RSPH6A: variants seen among roughly 807,000 people sequenced by gnomAD.
The protein encoded by RSPH6A is radial spoke head 6 homolog A.
In RSPH6A, 49 loss-of-function variants were observed where a neutral mutation model predicts 66.1. That is an observed-to-expected ratio of 0.74 (90% CI 0.59 to 0.94). RSPH6A has a LOEUF of 0.94. Ranked by LOEUF, RSPH6A falls within the 40% of genes least tolerant of loss-of-function variation. The probability of loss-of-function intolerance (pLI) is 0.00; values close to 1 mark genes in which losing one functional copy is unlikely to be tolerated. For synonymous variants in RSPH6A, 419 were observed against 402.4 expected, an observed-to-expected ratio of 1.04 and a Z score of -0.49; for missense variants, 977 against 948.3, an observed-to-expected ratio of 1.03 and a Z score of -0.40.
chr19:45,801,631 C>G (rs1030162147), intron 4 of RSPH6A, among the ~76,000 whole-genome samples: 4 of 152,150 alleles, frequency 2.6e-5, no homozygotes, highest in African/African-American at 9.7e-5. Context: ...CGTGGTGGCA[C>G]ACGCCTGCAA....
At chr19:45,808,732 G>GC in intron 2 of RSPH6A, among the ~76,000 whole-genome samples, 1 of 128,572 alleles carries the variant, frequency 7.8e-6, no homozygotes, top group Non-Finnish European at 1.6e-5. Flanking sequence ...CTCAATCTCA[G>GC]CCCACTGCAA....
chr19:45,813,946 A>G (rs925780922), intron 1 of RSPH6A, among the ~76,000 whole-genome samples: 16 of 152,060 alleles, frequency 1.1e-4, no homozygotes, highest in Non-Finnish European at 4.4e-5. Context: ...GGATCACTTG[A>G]GGTCGAGTTT....
In RSPH6A at chr19:45,807,644, G is replaced by A. The variant is rs769929148; in HGVS notation, c.889-2628C>T. 3.3e-5 allele frequency among the ~76,000 whole-genome samples: 5 copies of A among 152,056 alleles called. No homozygotes were observed. The East Asian group carries it at 7.7e-4, about 23-fold the overall frequency. On this transcript the variant is annotated intron_variant, in intron 2 of 5. Coordinates refer to ENST00000221538, the MANE Select transcript of RSPH6A (RefSeq NM_030785.4). ...TTCTGCCTCAGCCTCCTGAGTAGTCGGGACTACAGGTGCACACCACCACGC... is the reference window on the plus strand; with the variant it reads ...TTCTGCCTCAGCCTCCTGAGTAGTCAGGACTACAGGTGCACACCACCACGC...
chr19:45,813,418 A>G (rs554757355), intron 1 of RSPH6A, among the ~76,000 whole-genome samples: 22 of 152,174 alleles, frequency 1.4e-4, no homozygotes, highest in Middle Eastern at 3.4e-3. Context: ...ATCTCGGCTC[A>G]CTGCAACCTC....
chr19:45,807,236 T>G (rs1245824853), intron 2 of RSPH6A, among the ~76,000 whole-genome samples: 3 of 147,480 alleles, frequency 2.0e-5, no homozygotes, highest in African/African-American at 2.5e-5. Flanking sequence ...TTATTTTTGA[T>G]ACAGAGTCTT....
chr19:45,800,184 C>T (rs1283729273), intron 5 of RSPH6A, among the ~76,000 whole-genome samples: 1 of 152,248 alleles, frequency 6.6e-6, no homozygotes, highest in African/African-American at 2.4e-5. Flanking sequence ...CCTGCAAGTG[C>T]TGTGTGACCA....
At chr19:45,802,029 C>G (rs566701492) in intron 4 of RSPH6A, 91 bp downstream of exon 4, 2 of 1,262,686 alleles carry the variant, frequency 1.6e-6, no homozygotes, top group Non-Finnish European at 2.1e-6. Context: ...AGGGAAGGAC[C>G]GGGGAGATGG....
intron 2 of RSPH6A, among the ~76,000 whole-genome samples, chr19:45,806,546 C>T (rs1970545716): frequency 6.6e-6 from 1 of 151,484 alleles, no homozygotes; most frequent in Admixed American, 6.6e-5. Flanking sequence ...TGGTGGGCGC[C>T]TGTAGTCCCA....
chr19:45,804,456 G>C lies in RSPH6A; in HGVS notation c.1449C>G (p.Ala483=), dbSNP rs1203289663. The change falls in exon 3 of 6, where the codon GCC becomes GCG. Residue 483 remains alanine (A), a synonymous_variant. Transcript: ENST00000221538. The surrounding 1 kb of genome is among the most constrained non-coding windows in gnomAD (Gnocchi z 5.8). ...TGGCGGCCGAGATGCGGGCTATCTGGGCCCGCAGGTAGTTGGCCTCGTTGC... is the reference window on the plus strand; with the variant it reads ...TGGCGGCCGAGATGCGGGCTATCTGCGCCCGCAGGTAGTTGGCCTCGTTGC... The part of the protein sequence containing the change: ...FPGNEANYLR[A]QIARISAATQ... The C allele has an allele frequency of 6.2e-7, 1 of 1,613,906 alleles. No individual in the cohort carries two copies. Among genetic ancestry groups the C allele is most frequent in the East Asian group, 2.2e-5 (1 of 44,872 alleles).
rs748869950 is a variant in RSPH6A at position 45,814,600 on chromosome 19, C to T, written c.577G>A (p.Glu193Lys). The T allele has an allele frequency of 3.2e-6, 5 of 1,568,730 alleles. No homozygotes were observed. The highest frequency in any genetic ancestry group is 2.4e-5 in the South Asian group (2 of 83,100). ...PHYSAQVPEP[E>K]PLELAVQNAK... ...TTCTGCACGGCCAGCTCCAGAGGCT[C>T]GGGCTCAGGCACCTGGGCACTGTAG... The change falls in exon 1 of 6, where the codon GAG becomes AAG. Residue 193 changes from glutamate to lysine, a missense_variant. By Grantham distance (56) the Glu-to-Lys change is moderately conservative. Transcript: ENST00000221538.
intron 2 of RSPH6A, among the ~76,000 whole-genome samples, chr19:45,808,293 T>C (rs1970572818): frequency 6.6e-6 from 1 of 152,164 alleles, no homozygotes; most frequent in Non-Finnish European, 1.5e-5. Context: ...CCAGGCGTGG[T>C]GGCACAGCCT....
intron 3 of RSPH6A, 152 bp from the exon 4 acceptor site, chr19:45,802,416 G>C: frequency 1.4e-5 from 7 of 515,532 alleles, no homozygotes; most frequent in Non-Finnish European, 1.8e-5. Flanking sequence ...GCTAAGGGGA[G>C]GTGGGAAACG....
At chr19:45,805,595 G>A (rs939301339) in intron 2 of RSPH6A, among the ~76,000 whole-genome samples, 1 of 152,136 alleles carries the variant, frequency 6.6e-6, no homozygotes, top group African/African-American at 2.4e-5. Flanking sequence ...GGGAGGCTGA[G>A]GCAGGAGGAT....
At chr19:45,802,374 G>T in intron 3 of RSPH6A, 110 bp from the exon 4 acceptor site, 2 of 1,022,286 alleles carry the variant, frequency 2.0e-6, no homozygotes, top group Non-Finnish European at 2.5e-6. Context: ...AGAGACCCAG[G>T]CACAGGCAAG....
At chr19:45,802,294 C>T (rs1399352173) in intron 3 of RSPH6A, 30 bp from the exon 4 acceptor site, 1 of 1,332,638 alleles carries the variant, frequency 7.5e-7, no homozygotes, top group Admixed American at 3.0e-5. Flanking sequence ...CAGGTGATGG[C>T]CCCAGTGCAC....
At position 45,814,890 on chromosome 19, in the gene RSPH6A, G is replaced by A. The variant is rs1970683690; in HGVS notation, c.287C>T (p.Ser96Leu). The change falls in exon 1 of 6, where the codon TCA (serine) becomes TTA (leucine). Residue 96 changes from serine to leucine, a missense_variant. Coordinates refer to ENST00000221538, the MANE Select transcript of RSPH6A (RefSeq NM_030785.4). Reference protein sequence around the residue: ...EYPSVNTGFPSEFQPQPYSDE... With the variant: ...EYPSVNTGFPLEFQPQPYSDE... ...AGAGTAAGGCTGAGGCTGGAACTCT[G>A]AGGGAAAGCCCGTGTTCACAGATGG... 1.2e-6 allele frequency: 2 copies of A among 1,614,114 alleles called. No individual in the cohort carries two copies. Among genetic ancestry groups the A allele is most frequent in the African/African-American group, 2.7e-5 (2 of 75,060 alleles).
chr19:45,797,413 T>C (rs1970420206), intron 5 of RSPH6A, among the ~76,000 whole-genome samples: 1 of 151,318 alleles, frequency 6.6e-6, no homozygotes, highest in Non-Finnish European at 1.5e-5. Context: ...TAACTAAAAA[T>C]AACAAAAAAA....
chr19:45,805,778 T>C (rs565459314), intron 2 of RSPH6A, among the ~76,000 whole-genome samples: 2 of 152,294 alleles, frequency 1.3e-5, no homozygotes, highest in South Asian at 2.1e-4. Context: ...CAGTGAGATG[T>C]AGGGAAAGCC....
chr19:45,797,092 C>T (rs1970416338), intron 5 of RSPH6A, among the ~76,000 whole-genome samples: 1 of 150,694 alleles, frequency 6.6e-6, no homozygotes, highest in Non-Finnish European at 1.5e-5. Flanking sequence ...AAATAAGTAA[C>T]TAGGCTGGAC....
Sources: allele counts gnomAD v4.1 joint callset (sites outside exome capture counted in the v4.1 genomes callset), GRCh38; gene constraint gnomAD v4.1.1; non-coding constraint Gnocchi (gnomAD v3.1); transcripts MANE v1.5; gene names NCBI Gene and HGNC (gene_info 2026-07-23, HGNC 2026-07-21).